Variants in CSMD1 observed in about 807,000 individuals in gnomAD.
CSMD1 encodes CUB and sushi domain-containing protein 1.
In CSMD1, 213 loss-of-function variants were observed where a neutral mutation model predicts 417.5. The ratio of observed to expected loss-of-function variants is 0.51; its 90% CI spans 0.46 to 0.57. The LOEUF is 0.57. Among genes scored for constraint, CSMD1 ranks in the 20% least tolerant of loss-of-function variants. CSMD1 has a pLI of 0.00. For synonymous variants in CSMD1, 2,862 were observed against 1,736.8 expected (o/e 1.65, Z -16.11); for missense variants, 6,923 against 4,529.7 (o/e 1.53, Z -15.17).
chr8:4,019,831 T>G (rs1279575997), intron 4 of CSMD1, among the ~76,000 whole-genome samples: 1 of 152,020 alleles, frequency 6.6e-6, no homozygotes, highest in Non-Finnish European at 1.5e-5. Context: ...TAGGCACTCT[T>G]GTCCTTTTTC....
At chr8:4,006,269 G>A (rs17068516) in intron 4 of CSMD1, among the ~76,000 whole-genome samples, 14 of 152,254 alleles carry the variant, frequency 9.2e-5, no homozygotes, top group African/African-American at 3.1e-4. Context: ...ACAGGATCAT[G>A]ACTCTGGAAT....
intron 11 of CSMD1, among the ~76,000 whole-genome samples, chr8:3,487,595 G>C (rs997895979): frequency 6.6e-6 from 1 of 152,106 alleles, no homozygotes; most frequent in Non-Finnish European, 1.5e-5. Context: ...CAAAGTATCG[G>C]GTAAATTTGG....
At chr8:4,050,269 A>T (rs1278931748) in intron 3 of CSMD1, among the ~76,000 whole-genome samples, 7 of 151,936 alleles carry the variant, frequency 4.6e-5, no homozygotes, top group Non-Finnish European at 1.0e-4. Flanking sequence ...TGCAGCCTAT[A>T]CTCTTTGGAA....
At chr8:3,282,459 T>G (rs1802814215) in intron 26 of CSMD1, among the ~76,000 whole-genome samples, 1 of 152,222 alleles carries the variant, frequency 6.6e-6, no homozygotes, top group African/African-American at 2.4e-5. Context: ...TCTCAACTTT[T>G]TTGTTTTGCT....
chr8:3,772,364 C>CATATATACATAGATACATATATTT (rs1798632647), intron 5 of CSMD1, among the ~76,000 whole-genome samples: 3 of 107,556 alleles, frequency 2.8e-5, no homozygotes, highest in Non-Finnish European at 5.7e-5. Context: ...TTTATATATA[C>CATATATACATAGATACATATATTT]ATATATACAT....
intron 3 of CSMD1, among the ~76,000 whole-genome samples, chr8:4,270,698 C>G (rs990553940): frequency 2.0e-5 from 3 of 152,142 alleles, no homozygotes; most frequent in African/African-American, 4.8e-5. Context: ...ACCGTCTGAT[C>G]CTTATTTTCA....
At chr8:3,914,330 C>CA (rs1296350945) in intron 5 of CSMD1, among the ~76,000 whole-genome samples, 13 of 151,868 alleles carry the variant, frequency 8.6e-5, no homozygotes, top group South Asian at 2.1e-4. Flanking sequence ...GAGAATGGGG[C>CA]CTAGAGGGTA....
In CSMD1 at chr8:3,451,923, C is replaced by T. The variant is rs544568814; in HGVS notation, c.1561+16789G>A. The stretch of plus-strand genomic sequence containing the variant: ...ACCTTGGGCAGTATGGCCATTTTCA[C>T]GACATTGATTCTTCCTACCCATGAA... On this transcript the variant is annotated intron_variant, in intron 12 of 69. Transcript: ENST00000635120. Among the ~76,000 whole-genome samples, 365 of 152,258 alleles carry T rather than the reference C, an allele frequency of 2.4e-3. 3 individuals are homozygous for T. Among genetic ancestry groups the T allele is most frequent in the African/African-American group, 8.4e-3 (350 of 41,548 alleles).
intron 3 of CSMD1, among the ~76,000 whole-genome samples, chr8:4,080,959 T>C (rs2552145): frequency 0.48 from 72,803 of 152,000 alleles, 19,069 homozygotes; most frequent in South Asian, 0.62. Flanking sequence ...CCCTCCTGAA[T>C]CAAATTAATG....
chr8:4,406,399 T>C (rs1805022964), intron 3 of CSMD1, among the ~76,000 whole-genome samples: 1 of 152,162 alleles, frequency 6.6e-6, no homozygotes, highest in Admixed American at 6.6e-5. Flanking sequence ...CAACTTTTAC[T>C]TCCCCAACCT....
At chr8:3,693,956 G>C (rs1054510406) in intron 7 of CSMD1, among the ~76,000 whole-genome samples, 5 of 150,264 alleles carry the variant, frequency 3.3e-5, no homozygotes, top group South Asian at 2.1e-4. Context: ...GTTGGATATA[G>C]GGGTGTGTGT....
intron 5 of CSMD1, among the ~76,000 whole-genome samples, chr8:3,970,846 G>T (rs1813032054): frequency 6.6e-6 from 1 of 152,038 alleles, no homozygotes; most frequent in African/African-American, 2.4e-5. Flanking sequence ...CCGCCTCCCG[G>T]GTTCACGCCA....
At chr8:4,196,274 G>T (rs1448850297) in intron 3 of CSMD1, among the ~76,000 whole-genome samples, 1 of 152,144 alleles carries the variant, frequency 6.6e-6, no homozygotes, top group Non-Finnish European at 1.5e-5. Flanking sequence ...CTCTTTTGTG[G>T]TCATTGAGTT....
chr8:3,439,960 G>A (rs1012145064), intron 12 of CSMD1, among the ~76,000 whole-genome samples: 1 of 152,034 alleles, frequency 6.6e-6, no homozygotes, highest in African/African-American at 2.4e-5. Flanking sequence ...AAACCAGGAG[G>A]GCATCTTCTG....
intron 2 of CSMD1, among the ~76,000 whole-genome samples, chr8:4,528,174 C>G (rs1212286110): frequency 6.6e-6 from 1 of 152,126 alleles, no homozygotes; most frequent in East Asian, 1.9e-4. Context: ...TGTTTTTGAC[C>G]TGTATTCCTT....
At chr8:4,156,754 C>A (rs917445798) in intron 3 of CSMD1, among the ~76,000 whole-genome samples, 1 of 152,152 alleles carries the variant, frequency 6.6e-6, no homozygotes, top group Non-Finnish European at 1.5e-5. Context: ...AACCTTTGAA[C>A]AGGAAATCCA....
At chr8:4,066,013 T>A (rs988453827) in intron 3 of CSMD1, among the ~76,000 whole-genome samples, 1 of 152,200 alleles carries the variant, frequency 6.6e-6, no homozygotes, top group Non-Finnish European at 1.5e-5. Context: ...TCCACGAATA[T>A]CCTTGGAGGA....
At chr8:3,242,800 GT>G (rs1799629572) in intron 26 of CSMD1, among the ~76,000 whole-genome samples, 1 of 33,296 alleles carries the variant, frequency 3.0e-5, no homozygotes, top group Non-Finnish European at 8.3e-5. Context: ...CGGGAAAGGG[GT>G]TGGGGCGCAG....
chr8:4,935,154 G>C (rs1230404729), intron 1 of CSMD1, among the ~76,000 whole-genome samples: 1 of 152,218 alleles, frequency 6.6e-6, no homozygotes, highest in Non-Finnish European at 1.5e-5. Context: ...AGTCACAGGT[G>C]AGGATTTTAA....
Sources: allele counts gnomAD v4.1 joint callset (sites outside exome capture counted in the v4.1 genomes callset), GRCh38; gene constraint gnomAD v4.1.1; transcripts MANE v1.5; gene names NCBI Gene and HGNC (gene_info 2026-07-23, HGNC 2026-07-21).